CTNNA2: variants seen among roughly 807,000 people sequenced by gnomAD.
CTNNA2 encodes the protein catenin alpha-2.
A neutral mutation model predicts 101.0 loss-of-function variants in CTNNA2; 42 were observed. The ratio of observed to expected loss-of-function variants is 0.42; its 90% CI spans 0.32 to 0.54. The LOEUF (loss-of-function observed/expected upper bound fraction) is 0.54, where lower values mean the gene tolerates loss of function less well. Among genes scored for constraint, CTNNA2 ranks in the 20% least tolerant of loss-of-function variants. The pLI is 0.14. For synonymous variants in CTNNA2, 450 were observed against 456.4 expected (o/e 0.99, Z 0.18); for missense variants, 871 against 1,223.1 (o/e 0.71, Z 4.29).
chr2:80,056,029 G>T (rs756104228), intron 7 of CTNNA2, among the ~76,000 whole-genome samples: 3 of 152,130 alleles, frequency 2.0e-5, no homozygotes, highest in African/African-American at 7.2e-5. Context: ...AAACAACTGG[G>T]CAATGCATGT....
chr2:80,438,908 A>T (rs1296652156), intron 9 of CTNNA2, among the ~76,000 whole-genome samples: 2 of 151,800 alleles, frequency 1.3e-5, no homozygotes, highest in Non-Finnish European at 2.9e-5. Context: ...TACATCGACC[A>T]CTCCTTTTTA....
intron 7 of CTNNA2, among the ~76,000 whole-genome samples, chr2:80,076,302 AG>A: frequency 6.7e-6 from 1 of 149,362 alleles, no homozygotes; most frequent in East Asian, 2.0e-4. Context: ...TTTTTTAGAT[AG>A]GATCTCACTC....
intron 7 of CTNNA2, among the ~76,000 whole-genome samples, chr2:80,256,147 A>G (rs1207758841): frequency 2.6e-5 from 4 of 152,124 alleles, no homozygotes; most frequent in South Asian, 2.1e-4. Flanking sequence ...CCTTTGTCAA[A>G]GGAGGGAATG....
At chr2:79,987,837 G>A (rs1449010982) in intron 7 of CTNNA2, among the ~76,000 whole-genome samples, 1 of 152,224 alleles carries the variant, frequency 6.6e-6, no homozygotes, top group Admixed American at 6.5e-5. Context: ...CCAGAATACA[G>A]TGACACCAGT....
chr2:79,623,982 ATCTC>A lies in CTNNA2; in HGVS notation c.-5-27557_-5-27554del, dbSNP rs145270637. Among the ~76,000 whole-genome samples the A allele has an allele frequency of 4.3e-4, 65 of 151,148 alleles. 1 individual carries two copies. Among genetic ancestry groups the A allele is most frequent in the African/African-American group, 1.4e-3 (57 of 41,252 alleles). ...AGAATTCTTGAGTCATATGGAAGAC[ATCTC>A]TCTCTCTCTCTCCCCCGTACAGTCT... On this transcript the variant is annotated intron_variant, in intron 1 of 18. Transcript: ENST00000402739.
At chr2:79,706,147 G>A (rs1685345804) in intron 2 of CTNNA2, among the ~76,000 whole-genome samples, 1 of 151,962 alleles carries the variant, frequency 6.6e-6, no homozygotes, top group Non-Finnish European at 1.5e-5. Context: ...GGCGGATCAC[G>A]AGGTCAGGAG....
At chr2:79,323,609 T>G (rs112449245) in intron 3 of CTNNA2, among the ~76,000 whole-genome samples, 1 of 152,338 alleles carries the variant, frequency 6.6e-6, no homozygotes, top group African/African-American at 2.4e-5. Context: ...ACCTTCTTCA[T>G]GTTGCCACAA....
intron 7 of CTNNA2, among the ~76,000 whole-genome samples, chr2:80,252,100 T>A (rs911340724): frequency 1.3e-5 from 2 of 152,188 alleles, no homozygotes; most frequent in Non-Finnish European, 2.9e-5. Context: ...TCTATTATAA[T>A]ACTTAAAACA....
Position 80,619,995 on chromosome 2 carries a change from G to A in CTNNA2, c.2574+767G>A, listed in dbSNP as rs150101906. ...TTAGAAAGAAAAGATCAACTGGAGC[G>A]GGCACTTTTCTCCACTTCTTTCCTC... On this transcript the variant is annotated intron_variant, in intron 18 of 18. Transcript: ENST00000402739. 2.5e-3 allele frequency among the ~76,000 whole-genome samples: 377 copies of A among 151,858 alleles called. 2 individuals are homozygous for A. Among genetic ancestry groups the A allele is most frequent in the African/African-American group, 8.6e-3 (356 of 41,458 alleles).
chr2:79,201,718 C>T (rs1023609817), intron 2 of CTNNA2, among the ~76,000 whole-genome samples: 1 of 152,016 alleles, frequency 6.6e-6, no homozygotes, highest in African/African-American at 2.4e-5. Context: ...GTACCAAGCC[C>T]TAATAGGAGA....
chr2:80,646,299 T>A (rs868866874), intron 18 of CTNNA2, among the ~76,000 whole-genome samples: 1 of 152,276 alleles, frequency 6.6e-6, no homozygotes, highest in Middle Eastern at 3.4e-3. Flanking sequence ...AACAGCATAC[T>A]TAAGAACATC....
At chr2:79,794,511 A>T (rs1573986366) in intron 3 of CTNNA2, among the ~76,000 whole-genome samples, 1 of 152,286 alleles carries the variant, frequency 6.6e-6, no homozygotes, top group East Asian at 1.9e-4. Flanking sequence ...AAGGCCATAA[A>T]CATACCCATC....
At chr2:80,419,161 C>T (rs779350997) in intron 8 of CTNNA2, among the ~76,000 whole-genome samples, 6 of 152,082 alleles carry the variant, frequency 3.9e-5, no homozygotes, top group East Asian at 1.9e-4. Context: ...CCAGAAGGTT[C>T]GGGTCAATGA....
intron 1 of CTNNA2, among the ~76,000 whole-genome samples, chr2:79,605,901 C>A (rs147028284): frequency 6.6e-6 from 1 of 152,088 alleles, no homozygotes; most frequent in African/African-American, 2.4e-5. Flanking sequence ...TGCACTCTAG[C>A]CTGGGTGACA....
chr2:80,560,363 T>G (rs1558587555), intron 12 of CTNNA2, among the ~76,000 whole-genome samples: 1 of 152,150 alleles, frequency 6.6e-6, no homozygotes. Context: ...AATCCAAGGT[T>G]AGGATTCAGA....
chr2:80,345,894 T>C (rs1672690813), intron 7 of CTNNA2, among the ~76,000 whole-genome samples: 1 of 152,186 alleles, frequency 6.6e-6, no homozygotes, highest in South Asian at 2.1e-4. Flanking sequence ...AGAGGCAAAG[T>C]ATAAAGCCAA....
chr2:79,479,560 C>T (rs1251815083), intron 4 of CTNNA2, among the ~76,000 whole-genome samples: 2 of 152,130 alleles, frequency 1.3e-5, no homozygotes, highest in Non-Finnish European at 2.9e-5. Context: ...CTAGACAATG[C>T]TGGGTTATCA....
At chr2:79,892,833 T>C (rs948083282) in intron 6 of CTNNA2, among the ~76,000 whole-genome samples, 3 of 152,208 alleles carry the variant, frequency 2.0e-5, no homozygotes, top group Non-Finnish European at 4.4e-5. Context: ...ATCTGGACTT[T>C]TGTCTTTGCA....
In CTNNA2 at chr2:79,662,976, T is replaced by C. The variant is rs963329895; in HGVS notation, c.102+11318T>C. On this transcript the variant is annotated intron_variant, in intron 2 of 18. Transcript: ENST00000402739. ...ACGCTGTTCAGGCCTCCGACTTGGT[T>C]GGTACTCCTCCTTTCTTTCTTCTGC... Among the ~76,000 whole-genome samples the C allele has an allele frequency of 5.3e-5, 8 of 152,182 alleles. 1 individual carries two copies. Among genetic ancestry groups the C allele is most frequent in the Admixed American group, 4.6e-4 (7 of 15,272 alleles).
Sources: gnomAD v4.1 joint callset for allele counts (sites outside exome capture counted in the v4.1 genomes callset) on GRCh38, gnomAD v4.1.1 for gene constraint, MANE v1.5 for transcripts, NCBI Gene and HGNC (gene_info 2026-07-23, HGNC 2026-07-21) for gene names.